C1QTNF5: variants seen among roughly 807,000 people sequenced by gnomAD.
C1QTNF5 encodes the protein C1q and TNF related 5, also known as complement C1q tumor necrosis factor-related protein 5.
In C1QTNF5, 5 loss-of-function variants were observed where a neutral mutation model predicts 10.9. That is an observed-to-expected ratio of 0.46 (90% confidence interval 0.24 to 0.97). The LOEUF (loss-of-function observed/expected upper bound fraction) is 0.97. C1QTNF5 is among the 50% of genes least tolerant of loss of function. C1QTNF5 has a pLI of 0.19. For synonymous variants in C1QTNF5, 161 were observed against 156.5 expected, an observed-to-expected ratio of 1.03 and a Z score of -0.22; for missense variants, 281 against 339.4, an observed-to-expected ratio of 0.83 and a Z score of 1.35.
At position 119,340,694 on chromosome 11, in the gene C1QTNF5, C is replaced by T. The variant is rs902891544; in HGVS notation, c.-44+1G>A. 7.0e-5 allele frequency: 30 copies of T among 429,064 alleles called. No homozygotes were observed. Among genetic ancestry groups the T allele is most frequent in the Middle Eastern group, 6.1e-4 (1 of 1,630 alleles). The allele number at this position is 429,064 out of a possible 1,614,324, so 26.6% of individuals were successfully genotyped here. The stretch of plus-strand genomic sequence containing the variant: ...CCTTTCCCCTCCTCCGCCAGACTCA[C>T]CCCCCCTCCCGGCTCCCCGATGGCC... On this transcript the variant is annotated splice_donor_variant, in intron 1 of 2. Coordinates refer to ENST00000528368, the MANE Select transcript of C1QTNF5 (RefSeq NM_001278431.2). LOFTEE classifies it low-confidence loss of function (5UTR_SPLICE).
chr11:119,345,849 G>C, upstream of C1QTNF5: 1 of 1,613,936 alleles, frequency 6.2e-7, no homozygotes, highest in African/African-American at 1.3e-5. Flanking sequence ...TGGTGATGGT[G>C]GGGGTGGTGG....
At chr11:119,342,545 T>C (rs748551210), upstream of C1QTNF5, 36 of 1,607,508 alleles carry the variant, frequency 2.2e-5, no homozygotes, top group East Asian at 7.6e-4. Flanking sequence ...AGTAGGGTTC[T>C]GTGAGGTGGG....
chr11:119,339,360 C>T lies in C1QTNF5; in HGVS notation c.703G>A (p.Asp235Asn). ...STFSGFLVYSDWHSSPVFA is the reference protein window; with the variant it reads ...STFSGFLVYSNWHSSPVFA ...GCAAAGACTGGGGAGCTGTGCCAGT[C>T]GGAGTACACCAGAAATCCGGAGAAG... The change falls in exon 3 of 3, where the codon GAC (aspartate) becomes AAC (asparagine). Residue 235 changes from aspartate to asparagine, a missense_variant. Asp to Asn is a conservative substitution (Grantham distance 23). Coordinates refer to ENST00000528368, the MANE Select transcript of C1QTNF5 (RefSeq NM_001278431.2). This position sits in a 1 kb window ranked among gnomAD's most constrained non-coding sequence, Gnocchi z 5.4. 6.2e-7 allele frequency: 1 copy of T among 1,612,922 alleles called. No individual in the cohort carries two copies.
chr11:119,341,804 C>T, upstream of C1QTNF5: 2 of 1,613,478 alleles, frequency 1.2e-6, no homozygotes, highest in East Asian at 4.5e-5. Context: ...CAGGCACCTG[C>T]TCCCAGGCTC....
upstream of C1QTNF5, chr11:119,345,664 C>T: frequency 6.2e-7 from 1 of 1,612,682 alleles, no homozygotes; most frequent in Non-Finnish European, 8.5e-7. Context: ...GTTCAGAGGT[C>T]AAAAGGAGTG....
chr11:119,345,841 G>A (rs200862830), upstream of C1QTNF5: 1 of 1,613,996 alleles, frequency 6.2e-7, no homozygotes. Context: ...CTGAGAGGTG[G>A]TGATGGTGGG....
In C1QTNF5 at chr11:119,339,304, G is replaced by T; in HGVS notation, c.*27C>A. On this transcript the variant is annotated 3_prime_UTR_variant, in exon 3 of 3. Transcript: ENST00000528368. The surrounding 1 kb of genome is among the most constrained non-coding windows in gnomAD (Gnocchi z 5.4). ...CCTCACACCCTCCTTCTAGGAGTGA[G>T]AGCATGAGCTCACTTTGCAGTGGGC... 6.2e-7 allele frequency: 1 copy of T among 1,607,838 alleles called. No individual in the cohort carries two copies.
At chr11:119,340,078 A>G (rs1950485709) in intron 2 of C1QTNF5, 106 bp downstream of exon 2, 4 of 1,349,100 alleles carry the variant, frequency 3.0e-6, no homozygotes, top group African/African-American at 1.5e-5. Context: ...AAGCGCGGGG[A>G]GTGGCGCCCC....
the C1QTNF5 span, chr11:119,346,101 C>T: frequency 6.2e-7 from 1 of 1,608,000 alleles, no homozygotes; most frequent in Admixed American, 1.7e-5. Context: ...GGCTGGAGAG[C>T]AGGAGGACAC....
At chr11:119,346,617 T>G in the C1QTNF5 span, 2 of 1,198,136 alleles carry the variant, frequency 1.7e-6, no homozygotes, top group South Asian at 1.2e-5. Context: ...CAGCCTCTAC[T>G]ACCCGAGGGA....
upstream of C1QTNF5, chr11:119,345,446 G>A (rs1950553139): frequency 6.2e-7 from 1 of 1,614,016 alleles, no homozygotes; most frequent in Non-Finnish European, 8.5e-7. Context: ...CAGGCTCAGG[G>A]GAGAGTTCCA....
rs892790876 is a variant in C1QTNF5, at chr11:119,340,346, G to T, written c.52C>A (p.Pro18Thr). The T allele has an allele frequency of 2.6e-6, 4 of 1,543,892 alleles. No homozygotes were observed. Among genetic ancestry groups the T allele is most frequent in the Non-Finnish European group, 3.5e-6 (4 of 1,145,442 alleles). The change falls in exon 2 of 3, where the codon CCA (proline) becomes ACA (threonine). Residue 18 changes from proline to threonine, a missense_variant. Transcript: ENST00000528368. ...CTGGGGATCTTGTTGTCGTCCAGTG[G>T]GGGCGAGCCGGCCGCCAGGCCCAGG... ...LLLGLAAGSP[P>T]LDDNKIPSLC...
chr11:119,346,271 C>G, the C1QTNF5 span: 2 of 1,611,630 alleles, frequency 1.2e-6, no homozygotes, highest in Non-Finnish European at 1.7e-6. Context: ...GGGATGGTTA[C>G]CATGCCAGGG....
At chr11:119,346,149 A>G in the C1QTNF5 span, 1 of 1,594,060 alleles carries the variant, frequency 6.3e-7, no homozygotes, top group East Asian at 2.3e-5. Context: ...GTAGCCCTCG[A>G]GGACGCCGAC....
At position 119,340,175 on chromosome 11, in the gene C1QTNF5, C is replaced by T. The variant is rs771777653; in HGVS notation, c.214+9G>A. 6.3e-4 allele frequency: 945 copies of T among 1,510,452 alleles called. 2 individuals are homozygous for T. The highest frequency in any genetic ancestry group is 8.0e-4 in the Non-Finnish European group (905 of 1,132,366). The allele number at this position is 1,510,452 out of a possible 1,614,324, so 93.6% of individuals were successfully genotyped here. A position where few individuals can be genotyped will look rare whatever the true frequency, so the allele number is the denominator to read the frequency against. ...ATCGCCACCGATAGCCGCGGCGGTGCCTTCTTACCCGGCCTCCCGCCCTCG... is the reference window on the plus strand; with the variant it reads ...ATCGCCACCGATAGCCGCGGCGGTGTCTTCTTACCCGGCCTCCCGCCCTCG... On this transcript the variant is annotated intron_variant, in intron 2 of 2. Transcript: ENST00000528368.
the C1QTNF5 span, chr11:119,346,580 C>T: frequency 2.5e-5 from 39 of 1,532,606 alleles, no homozygotes; most frequent in Non-Finnish European, 3.1e-5. Flanking sequence ...GGCCCACTCG[C>T]TGACCACAAA....
upstream of C1QTNF5, chr11:119,345,565 G>T (rs145285193): frequency 3.1e-6 from 5 of 1,613,936 alleles, no homozygotes; most frequent in African/African-American, 2.7e-5. Flanking sequence ...TGGGTGTTGG[G>T]GGGGTAAGGG....
upstream of C1QTNF5, chr11:119,341,537 C>A (rs752068989): frequency 6.2e-6 from 10 of 1,608,946 alleles, no homozygotes; most frequent in African/African-American, 1.3e-5. Context: ...GGGCAGGGGC[C>A]GGCTTCAGGG....
chr11:119,345,564 G>C (rs200251814), upstream of C1QTNF5: 67 of 1,613,806 alleles, frequency 4.2e-5, no homozygotes, highest in Admixed American at 3.0e-4. Context: ...GTGGGTGTTG[G>C]GGGGGTAAGG....
Sources: allele counts gnomAD v4.1 joint callset, GRCh38; gene constraint gnomAD v4.1.1; non-coding constraint Gnocchi (gnomAD v3.1); transcripts MANE v1.5; gene names NCBI Gene and HGNC (gene_info 2026-07-23, HGNC 2026-07-21).